Variants in SLC38A4 observed in about 807,000 individuals in gnomAD.
SLC38A4 encodes the protein sodium-coupled neutral amino acid transporter 4.
SLC38A4 carries 20 observed loss-of-function variants against 63.1 expected under a neutral mutation model. The observed-to-expected ratio is 0.32, with a 90% CI of 0.22 to 0.46. The LOEUF (loss-of-function observed/expected upper bound fraction) is 0.46. SLC38A4 is among the 20% of genes least tolerant of loss of function. SLC38A4 has a pLI of 1.00. For synonymous variants in SLC38A4, 230 were observed against 225.5 expected, an observed-to-expected ratio of 1.02 and a Z score of -0.18; for missense variants, 526 against 663.6, an observed-to-expected ratio of 0.79 and a Z score of 2.28.
At chr12:46,777,098 A>G in intron 12 of SLC38A4, 94 bp from the exon 13 acceptor site, 1 of 1,007,082 alleles carries the variant, frequency 9.9e-7, no homozygotes, top group Non-Finnish European at 1.5e-6. Flanking sequence ...GTATATCTAT[A>G]TTGCTCATCA....
At chr12:46,797,641 C>G (rs192920961) in intron 2 of SLC38A4, among the ~76,000 whole-genome samples, 2 of 152,248 alleles carry the variant, frequency 1.3e-5, no homozygotes, top group Admixed American at 1.3e-4. Context: ...CTATATACAT[C>G]TATACCTGTC....
chr12:46,777,046 C>CA lies in SLC38A4; in HGVS notation c.1074-43dup, dbSNP rs199854256. 1,463 of 1,463,156 alleles carry CA rather than the reference C, an allele frequency of 1.0e-3. 5 individuals are homozygous for CA. The East Asian group carries it at 0.017, about 17-fold the overall frequency. 90.6% of individuals were successfully genotyped at this position (1,463,156 alleles called of 1,614,324 possible). On this transcript the variant is annotated intron_variant, in intron 12 of 16. Transcript: ENST00000266579. ...CACCAAGCTTTGTTTTTTAAACTTA[C>CA]AAAAAAAAATCACTTTTCAAAATGA...
intron 4 of SLC38A4, 58 bp from the exon 5 acceptor site, chr12:46,788,089 G>T: frequency 7.7e-7 from 1 of 1,291,266 alleles, no homozygotes; most frequent in Non-Finnish European, 1.1e-6. Context: ...TACCTTTAGG[G>T]GTTATCCTTA....
At chr12:46,826,639 G>T (rs1443020393), upstream of SLC38A4, among the ~76,000 whole-genome samples, 72 of 152,150 alleles carry the variant, frequency 4.7e-4, no homozygotes, top group Non-Finnish European at 4.4e-5. Context: ...GGACTGACTT[G>T]CTCAAGGTAA....
rs1402338765 is a variant in SLC38A4, at chr12:46,785,197, T to G, written c.327-20A>C. On this transcript the variant is annotated intron_variant, in intron 5 of 16. Coordinates refer to ENST00000266579, the MANE Select transcript of SLC38A4 (RefSeq NM_018018.5). Reference sequence around the variant, plus strand: ...ATGATTCTGCAAAGGGAAGAGAGAGTAGGTAATAAAGTTTCTACAATAAAT... The same window carrying G: ...ATGATTCTGCAAAGGGAAGAGAGAGGAGGTAATAAAGTTTCTACAATAAAT... 5 of 1,576,090 alleles carry G rather than the reference T, an allele frequency of 3.2e-6. No individual in the cohort carries two copies. In the African/African-American group the frequency reaches 6.8e-5, roughly 21 times the overall value.
At chr12:46,798,287 C>G (rs762270357) in intron 2 of SLC38A4, among the ~76,000 whole-genome samples, 7 of 152,142 alleles carry the variant, frequency 4.6e-5, no homozygotes, top group Non-Finnish European at 8.8e-5. Flanking sequence ...TCTGCCTGGT[C>G]CACCCACCTC....
upstream of SLC38A4, among the ~76,000 whole-genome samples, chr12:46,826,500 G>A (rs1939657840): frequency 6.6e-6 from 1 of 152,200 alleles, no homozygotes; most frequent in Non-Finnish European, 1.5e-5. Context: ...TACCATAGCT[G>A]TTGTTTTAAA....
chr12:46,798,458 T>G (rs1256700147), intron 2 of SLC38A4, among the ~76,000 whole-genome samples: 1 of 152,134 alleles, frequency 6.6e-6, no homozygotes, highest in Non-Finnish European at 1.5e-5. Flanking sequence ...CATCCTTAAT[T>G]TATCCAGCCC....
intron 2 of SLC38A4, among the ~76,000 whole-genome samples, chr12:46,801,910 G>A (rs1282459666): frequency 6.6e-6 from 1 of 151,980 alleles, no homozygotes; most frequent in Non-Finnish European, 1.5e-5. Flanking sequence ...CAGCAGAACT[G>A]TACTTGACTA....
At chr12:46,802,530 C>T (rs1939151331) in intron 2 of SLC38A4, among the ~76,000 whole-genome samples, 1 of 152,040 alleles carries the variant, frequency 6.6e-6, no homozygotes, top group African/African-American at 2.4e-5. Context: ...ATTAAAGCTA[C>T]ATTTTTCAGA....
intron 13 of SLC38A4, among the ~76,000 whole-genome samples, chr12:46,776,551 C>T (rs1195734454): frequency 6.6e-6 from 1 of 152,006 alleles, no homozygotes; most frequent in Non-Finnish European, 1.5e-5. Context: ...ATAATTCCAT[C>T]AAAGGAGCTT....
At chr12:46,780,826 A>G (rs940865308) in intron 7 of SLC38A4, among the ~76,000 whole-genome samples, 13 of 152,096 alleles carry the variant, frequency 8.5e-5, no homozygotes, top group African/African-American at 3.1e-4. Context: ...ATATTTATGC[A>G]TCACGCCTTT....
upstream of SLC38A4, among the ~76,000 whole-genome samples, chr12:46,826,427 A>G (rs1939656155): frequency 6.6e-6 from 1 of 152,254 alleles, no homozygotes; most frequent in South Asian, 2.1e-4. Context: ...TAATATCTAT[A>G]GTAGCAATCC....
intron 6 of SLC38A4, 80 bp from the exon 7 acceptor site, chr12:46,784,714 G>T (rs1938722440): frequency 9.0e-7 from 1 of 1,115,028 alleles, no homozygotes; most frequent in East Asian, 2.5e-5. Flanking sequence ...TTCCATGCTG[G>T]AGTCTCAAAC....
chr12:46,773,718 C>T (rs1332794947), intron 14 of SLC38A4, among the ~76,000 whole-genome samples: 1 of 152,058 alleles, frequency 6.6e-6, no homozygotes, highest in African/African-American at 2.4e-5. Context: ...CTATGAGCTG[C>T]ACTAGTTGAA....
chr12:46,784,732 T>C, intron 6 of SLC38A4, 98 bp from the exon 7 acceptor site: 1 of 884,246 alleles, frequency 1.1e-6, no homozygotes, highest in Non-Finnish European at 1.7e-6. Flanking sequence ...AACATGTAAA[T>C]AAACATCATA....
At chr12:46,815,355 C>G (rs774676560) in intron 1 of SLC38A4, among the ~76,000 whole-genome samples, 65 of 149,624 alleles carry the variant, frequency 4.3e-4, no homozygotes, top group Non-Finnish European at 8.5e-4. Context: ...CCTTTTATCT[C>G]TTGAGTAGAC....
At chr12:46,782,945 C>T (rs79800141) in intron 7 of SLC38A4, among the ~76,000 whole-genome samples, 2,470 of 141,080 alleles carry the variant, frequency 0.018, 30 homozygotes, top group Non-Finnish European at 0.026. Context: ...ACAAACAGGA[C>T]CATGAGAGCC....
intron 1 of SLC38A4, among the ~76,000 whole-genome samples, chr12:46,813,778 C>T (rs1939383987): frequency 6.6e-6 from 1 of 152,028 alleles, no homozygotes; most frequent in Non-Finnish European, 1.5e-5. Flanking sequence ...TTCTGTGCCT[C>T]AGTTTCCGCA....
Sources: allele counts gnomAD v4.1 joint callset (sites outside exome capture counted in the v4.1 genomes callset), GRCh38; gene constraint gnomAD v4.1.1; transcripts MANE v1.5; gene names NCBI Gene and HGNC (gene_info 2026-07-23, HGNC 2026-07-21).